DHRS7B: variants seen among roughly 807,000 people sequenced by gnomAD.
DHRS7B encodes peroxisomal reductase activating PPAR-gamma.
In DHRS7B, 24 loss-of-function variants were observed where a neutral mutation model predicts 26.4. The ratio of observed to expected loss-of-function variants is 0.91; its 90% CI spans 0.66 to 1.28. The LOEUF (loss-of-function observed/expected upper bound fraction) is 1.28, where lower values mean the gene tolerates loss of function less well. DHRS7B is among the 50% of genes most tolerant of loss of function. The pLI, the probability that DHRS7B is intolerant of heterozygous loss-of-function variation, is 0.00. For synonymous variants in DHRS7B, 142 were observed against 166.4 expected (o/e 0.85, Z 1.13); for missense variants, 368 against 419.4 (o/e 0.88, Z 1.07).
At chr17:21,181,680 C>A (rs934132084) in intron 3 of DHRS7B, among the ~76,000 whole-genome samples, 1 of 152,182 alleles carries the variant, frequency 6.6e-6, no homozygotes, top group Admixed American at 6.5e-5. Context: ...CACATTCAAA[C>A]CATAGCATAT....
intron 4 of DHRS7B, 69 bp from the exon 5 acceptor site, chr17:21,184,302 C>A (rs3744227): frequency 0.041 from 56,973 of 1,393,392 alleles, 2,077 homozygotes; most frequent in African/African-American, 0.19. Context: ...AGCAAGGTCG[C>A]CTTCCATCAG....
intron 1 of DHRS7B, among the ~76,000 whole-genome samples, chr17:21,142,265 C>G (rs532467484): frequency 2.6e-5 from 4 of 152,124 alleles, no homozygotes; most frequent in African/African-American, 4.8e-5. Flanking sequence ...TGAAACAGAA[C>G]AGAACGGGAG....
rs972677956 is a variant in DHRS7B, at chr17:21,140,538, A to ACACACACACACACACACACC, written c.20+13548_20+13549insACACACACACACACACACCC. Among the ~76,000 whole-genome samples, 204 of 134,814 alleles carry ACACACACACACACACACACC rather than the reference A, an allele frequency of 1.5e-3. 10 individuals are homozygous for ACACACACACACACACACACC. The highest frequency in any genetic ancestry group is 4.0e-3 in the Middle Eastern group (1 of 252). The allele number at this position is 134,814 out of a possible 152,430, so 88.4% of individuals were successfully genotyped here. ...CACACACACACACACACACACACAC[A>ACACACACACACACACACACC]CCCTGACACCCTATAGCTTTTACTT... is the stretch of plus-strand genomic sequence containing the variant. On this transcript the variant is annotated intron_variant, in intron 1 of 6. Transcript: ENST00000395511.
chr17:21,170,050 A>G (rs1974204102), intron 1 of DHRS7B, among the ~76,000 whole-genome samples: 2 of 152,090 alleles, frequency 1.3e-5, no homozygotes, highest in Admixed American at 1.3e-4. Context: ...CCACCCCTCA[A>G]CCAGCTTATT....
At chr17:21,144,800 A>G (rs1470793580) in intron 1 of DHRS7B, among the ~76,000 whole-genome samples, 1 of 152,180 alleles carries the variant, frequency 6.6e-6, no homozygotes, top group Non-Finnish European at 1.5e-5. Context: ...CCTGGGTGAC[A>G]GAGTGAGACT....
At chr17:21,152,157 T>C (rs1018688900) in intron 1 of DHRS7B, among the ~76,000 whole-genome samples, 60 of 152,162 alleles carry the variant, frequency 3.9e-4, no homozygotes, top group Non-Finnish European at 1.0e-4. Context: ...GTGTTGTTTT[T>C]TTATTTTTAT....
chr17:21,161,169 A>T (rs891138928), intron 1 of DHRS7B, among the ~76,000 whole-genome samples: 1 of 152,210 alleles, frequency 6.6e-6, no homozygotes, highest in East Asian at 1.9e-4. Flanking sequence ...AATGCATAGC[A>T]CTGAGAGTGG....
intron 1 of DHRS7B, among the ~76,000 whole-genome samples, chr17:21,139,686 A>G (rs1973445914): frequency 6.6e-6 from 1 of 152,008 alleles, no homozygotes; most frequent in African/African-American, 2.4e-5. Context: ...AAAAAAAAAA[A>G]TAAATAAATA....
In DHRS7B at chr17:21,135,185, T is replaced by C. The variant is rs951096983; in HGVS notation, c.20+8194T>C. ...TATGATTATTACTGATAATGTATACTAAGTTATATCAGAATTATAGGAGTT... is the reference window on the plus strand; with the variant it reads ...TATGATTATTACTGATAATGTATACCAAGTTATATCAGAATTATAGGAGTT... On this transcript the variant is annotated intron_variant, in intron 1 of 6. Transcript: ENST00000395511. 1.2e-4 allele frequency among the ~76,000 whole-genome samples: 18 copies of C among 152,338 alleles called. 1 individual carries two copies. Among genetic ancestry groups the C allele is most frequent in the Admixed American group, 9.2e-4 (14 of 15,294 alleles).
intron 1 of DHRS7B, among the ~76,000 whole-genome samples, chr17:21,164,981 C>G (rs1974079346): frequency 6.6e-6 from 1 of 152,246 alleles, no homozygotes. Flanking sequence ...TTCTGAAATC[C>G]TCTCTGGGAA....
rs143722882 is a variant in DHRS7B at position 21,130,962 on chromosome 17, A to G, written c.20+3971A>G. On this transcript the variant is annotated intron_variant, in intron 1 of 6. Transcript: ENST00000395511. ...ACCCACCCAGATAGGAAATACAACAAATTCCTTAGGATTTTACCTGAGCTC... is the reference window on the plus strand; with the variant it reads ...ACCCACCCAGATAGGAAATACAACAGATTCCTTAGGATTTTACCTGAGCTC... Among the ~76,000 whole-genome samples, 463 of 152,294 alleles carry G rather than the reference A, an allele frequency of 3.0e-3. 10 individuals carry two copies. Among genetic ancestry groups the G allele is most frequent in the Admixed American group, 0.028 (434 of 15,300 alleles).
chr17:21,166,540 C>CAA, intron 1 of DHRS7B: 18 of 646,590 alleles, frequency 2.8e-5, no homozygotes, highest in Non-Finnish European at 3.1e-5. Flanking sequence ...CATTTGAGAC[C>CAA]AAAAAAAAAA....
chr17:21,159,250 C>T (rs1425240788), intron 1 of DHRS7B, among the ~76,000 whole-genome samples: 2 of 143,886 alleles, frequency 1.4e-5, no homozygotes, highest in Admixed American at 6.9e-5. Context: ...TTCTTTCTTT[C>T]TTTTTTTTTT....
intron 5 of DHRS7B, among the ~76,000 whole-genome samples, chr17:21,187,267 G>T (rs2144234345): frequency 6.6e-6 from 1 of 151,758 alleles, no homozygotes; most frequent in African/African-American, 2.4e-5. Context: ...GCTGCAAGGA[G>T]CTATGATCCT....
chr17:21,130,835 T>C (rs940339028), intron 1 of DHRS7B, among the ~76,000 whole-genome samples: 1 of 152,236 alleles, frequency 6.6e-6, no homozygotes, highest in African/African-American at 2.4e-5. Flanking sequence ...TAGCCAATGT[T>C]ATTTTAATGC....
chr17:21,177,296 G>C (rs946491159), intron 2 of DHRS7B, among the ~76,000 whole-genome samples: 3 of 152,218 alleles, frequency 2.0e-5, no homozygotes, highest in Admixed American at 1.3e-4. Flanking sequence ...CCTAGGTTTC[G>C]GCCATCCGGC....
At chr17:21,185,276 C>A (rs1291326389) in intron 5 of DHRS7B, among the ~76,000 whole-genome samples, 1 of 152,264 alleles carries the variant, frequency 6.6e-6, no homozygotes, top group East Asian at 1.9e-4. Flanking sequence ...GACCCAGCCA[C>A]AGCCTGGTCA....
intron 1 of DHRS7B, chr17:21,127,226 G>A (rs900628953): frequency 4.0e-6 from 2 of 495,984 alleles, no homozygotes; most frequent in Admixed American, 4.3e-5. Flanking sequence ...GCCTGTCGCC[G>A]AGGTGTCTTG....
Position 21,183,709 on chromosome 17 carries a change from A to G in DHRS7B, c.425A>G (p.Asn142Ser), listed in dbSNP as rs781149318. Reference protein sequence around the residue: ...CFGYVDILVNNAGISYRGTIM... With the variant: ...CFGYVDILVNSAGISYRGTIM... ...GGCTATGTCGACATACTTGTCAACAATGCTGGGATCAGCTACCGTGGTACC... is the reference window on the plus strand; with the variant it reads ...GGCTATGTCGACATACTTGTCAACAGTGCTGGGATCAGCTACCGTGGTACC... The change falls in exon 4 of 7, where the codon AAT becomes AGT. Residue 142 changes from asparagine (N) to serine (S), a missense_variant. Asn to Ser is a conservative substitution (Grantham distance 46). Coordinates refer to ENST00000395511, the MANE Select transcript of DHRS7B (RefSeq NM_015510.5). 28 of 1,614,164 alleles carry G rather than the reference A, an allele frequency of 1.7e-5. No homozygotes were observed. The highest frequency in any genetic ancestry group is 2.3e-5 in the Non-Finnish European group (27 of 1,180,034).
Sources: gnomAD v4.1 joint callset for allele counts (sites outside exome capture counted in the v4.1 genomes callset) on GRCh38, gnomAD v4.1.1 for gene constraint, MANE v1.5 for transcripts, NCBI Gene and HGNC (gene_info 2026-07-23, HGNC 2026-07-21) for gene names.